MMP16: variants seen among roughly 807,000 people sequenced by gnomAD.
The protein encoded by MMP16 is matrix metalloproteinase-16.
In MMP16, 12 loss-of-function variants were observed where a neutral mutation model predicts 67.8. That is an observed-to-expected ratio of 0.18 (90% CI 0.11 to 0.29). The LOEUF is 0.29. Ranked by LOEUF, MMP16 falls within the 10% of genes least tolerant of loss-of-function variation. The pLI is 1.00. For synonymous variants in MMP16, 249 were observed against 255.9 expected (o/e 0.97, Z 0.26); for missense variants, 475 against 765.7 (o/e 0.62, Z 4.48).
At chr8:88,283,030 CATT>C (rs28986510) in intron 1 of MMP16, among the ~76,000 whole-genome samples, 18,448 of 151,956 alleles carry the variant, frequency 0.12, 1,198 homozygotes, top group Non-Finnish European at 0.14. Context: ...GATATAAGGG[CATT>C]TTTTTCATTA....
intron 1 of MMP16, among the ~76,000 whole-genome samples, chr8:88,272,101 AATGTGCATGTCCATGAAT>A (rs767023778): frequency 1.9e-4 from 29 of 152,166 alleles, no homozygotes; most frequent in Non-Finnish European, 3.7e-4. Context: ...CAAACAGTTA[AATGTGCATGTCCATGAAT>A]ATGTGCATGC....
At chr8:88,069,346 A>G in intron 7 of MMP16, 1 of 406,106 alleles carries the variant, frequency 2.5e-6, no homozygotes, top group Non-Finnish European at 5.0e-6. Context: ...TTTATTTTAA[A>G]TTTTCAATTC....
chr8:88,318,593 C>T (rs1436115977), intron 1 of MMP16, among the ~76,000 whole-genome samples: 1 of 152,110 alleles, frequency 6.6e-6, no homozygotes, highest in South Asian at 2.1e-4. Flanking sequence ...CTGGGTACGA[C>T]AGTCAGCCTG....
intron 6 of MMP16, among the ~76,000 whole-genome samples, chr8:88,095,412 A>G (rs985963253): frequency 6.6e-6 from 1 of 151,738 alleles, no homozygotes. Flanking sequence ...GGTAAGATGC[A>G]TAACTCTCAT....
intron 4 of MMP16, among the ~76,000 whole-genome samples, chr8:88,132,216 T>G (rs914811585): frequency 4.6e-5 from 7 of 151,670 alleles, no homozygotes; most frequent in African/African-American, 1.7e-4. Context: ...TACGTAAGAA[T>G]AAATTTCAAT....
rs536577993 is a variant in MMP16 at position 88,133,182 on chromosome 8, G to T, written c.710-14321C>A. ...TGTTACTTAAGCAGAGAGGAAAAAA[G>T]AATCGTATTGAATTATCTTGCCATT... On this transcript the variant is annotated intron_variant, in intron 4 of 9. Transcript: ENST00000286614. Among the ~76,000 whole-genome samples, 18 of 151,674 alleles carry T rather than the reference G, an allele frequency of 1.2e-4. No individual in the cohort carries two copies. In the South Asian group the frequency reaches 3.1e-3, roughly 26 times the overall value.
chr8:88,232,634 A>G (rs1379065329), intron 1 of MMP16, among the ~76,000 whole-genome samples: 1 of 152,216 alleles, frequency 6.6e-6, no homozygotes, highest in Admixed American at 6.5e-5. Flanking sequence ...CAAGTCCTTT[A>G]AATATCTGGT....
At chr8:88,125,120 T>C (rs1162167132) in intron 4 of MMP16, among the ~76,000 whole-genome samples, 1 of 151,822 alleles carries the variant, frequency 6.6e-6, no homozygotes, top group Non-Finnish European at 1.5e-5. Context: ...TCAGTCCAAT[T>C]TGGCTGCTCA....
intron 3 of MMP16, among the ~76,000 whole-genome samples, chr8:88,170,600 C>A (rs565081492): frequency 6.6e-6 from 1 of 152,252 alleles, no homozygotes; most frequent in Non-Finnish European, 1.5e-5. Flanking sequence ...GTGGGCAAGA[C>A]TCTGCTCCCA....
chr8:88,275,244 C>A (rs554949406), intron 1 of MMP16, among the ~76,000 whole-genome samples: 1 of 151,700 alleles, frequency 6.6e-6, no homozygotes, highest in Non-Finnish European at 1.5e-5. Context: ...TAATAATTTA[C>A]AAATTTAAAA....
At chr8:88,136,913 G>A (rs577976481) in intron 4 of MMP16, among the ~76,000 whole-genome samples, 4 of 151,608 alleles carry the variant, frequency 2.6e-5, no homozygotes, top group Admixed American at 6.6e-5. Flanking sequence ...CAACAGACAT[G>A]CATATATTCA....
intron 1 of MMP16, among the ~76,000 whole-genome samples, chr8:88,307,394 C>T (rs1192119834): frequency 6.6e-6 from 1 of 151,942 alleles, no homozygotes; most frequent in Non-Finnish European, 1.5e-5. Context: ...TTTTGTCCTC[C>T]TATCATTGTG....
intron 1 of MMP16, among the ~76,000 whole-genome samples, chr8:88,321,401 G>T (rs939811268): frequency 1.3e-4 from 20 of 152,084 alleles, no homozygotes; most frequent in African/African-American, 3.6e-4. Flanking sequence ...ACCACTTGTA[G>T]ATGATATTTG....
At position 88,327,445 on chromosome 8, in the gene MMP16, CG is replaced by C; in HGVS notation, c.-240del. 2.0e-6 allele frequency: 1 copy of C among 490,280 alleles called. No homozygotes were observed. Among genetic ancestry groups the C allele is most frequent in the South Asian group, 2.0e-5 (1 of 50,830 alleles). 30.4% of individuals were successfully genotyped at this position (490,280 alleles called of 1,614,324 possible). ...TTCACCATCCTCCGGGGTCAGTCAC[CG>C]GGAACGTGGCGCCTAAGTTCACCGG... On this transcript the variant is annotated 5_prime_UTR_variant, in exon 1 of 10. Transcript: ENST00000286614.
At chr8:88,142,182 T>C (rs1056542068) in intron 4 of MMP16, among the ~76,000 whole-genome samples, 3 of 152,070 alleles carry the variant, frequency 2.0e-5, no homozygotes, top group Non-Finnish European at 4.4e-5. Context: ...AGTGCTAGGA[T>C]TACAGGCGTG....
intron 1 of MMP16, among the ~76,000 whole-genome samples, chr8:88,221,914 A>T (rs2129848083): frequency 6.6e-6 from 1 of 152,232 alleles, no homozygotes. Flanking sequence ...TCAGTTCATG[A>T]ATTGTCTTCC....
At chr8:88,213,814 T>C (rs1331986408) in intron 1 of MMP16, among the ~76,000 whole-genome samples, 1 of 152,082 alleles carries the variant, frequency 6.6e-6, no homozygotes, top group Admixed American at 6.6e-5. Context: ...ACCATAAATA[T>C]CAAATTGGAA....
chr8:88,143,854 C>T (rs1270280728), intron 4 of MMP16, among the ~76,000 whole-genome samples: 1 of 151,972 alleles, frequency 6.6e-6, no homozygotes, highest in East Asian at 1.9e-4. Flanking sequence ...TTGTTATTTA[C>T]TGAGGCCAGG....
intron 1 of MMP16, among the ~76,000 whole-genome samples, chr8:88,250,932 C>A (rs1810207500): frequency 6.8e-6 from 1 of 147,544 alleles, no homozygotes; most frequent in Non-Finnish European, 1.5e-5. Context: ...CCCCCCTCCC[C>A]CTACCCCACA....
Sources: allele counts gnomAD v4.1 joint callset (sites outside exome capture counted in the v4.1 genomes callset), GRCh38; gene constraint gnomAD v4.1.1; transcripts MANE v1.5; gene names NCBI Gene and HGNC (gene_info 2026-07-23, HGNC 2026-07-21).